The following NCOA2 variants were observed in gnomAD, a reference collection of about 807,000 sequenced individuals.
NCOA2 encodes the protein class E basic helix-loop-helix protein 75.
In NCOA2, 21 loss-of-function variants were observed where a neutral mutation model predicts 145.1. The observed-to-expected ratio is 0.14, with a 90% CI of 0.10 to 0.21. The LOEUF is 0.21. Among genes scored for constraint, NCOA2 ranks in the 10% least tolerant of loss-of-function variants. NCOA2 has a pLI of 1.00. For missense variants in NCOA2, 1,472 were observed against 1,837.6 expected (o/e 0.80, Z 3.64); for synonymous variants, 619 against 637.5 (o/e 0.97, Z 0.44).
At position 70,374,808 on chromosome 8, in the gene NCOA2, A is replaced by G. The variant is rs534858882; in HGVS notation, c.-77+28892T>C. ...GATGCTGTCTCTTTAAAAAAAAAAA[A>G]AAAGAAAGAAAAGTGAAAGCATATA... On this transcript the variant is annotated intron_variant, in intron 1 of 22. Transcript: ENST00000452400. 9.9e-5 allele frequency among the ~76,000 whole-genome samples: 15 copies of G among 152,074 alleles called. 1 individual carries two copies. Among genetic ancestry groups the G allele is most frequent in the South Asian group, 2.1e-4 (1 of 4,824 alleles).
chr8:70,263,602 T>A (rs1824319094), intron 2 of NCOA2, among the ~76,000 whole-genome samples: 1 of 151,698 alleles, frequency 6.6e-6, no homozygotes, highest in Non-Finnish European at 1.5e-5. Flanking sequence ...TATCTGTAAG[T>A]CAATATAAAA....
the NCOA2 span, among the ~76,000 whole-genome samples, chr8:70,414,770 T>C: frequency 1.3e-5 from 2 of 152,160 alleles, no homozygotes; most frequent in Non-Finnish European, 2.9e-5. Context: ...TGCATGAAGA[T>C]TGTTTGTGCT....
At chr8:70,410,605 G>A in the NCOA2 span, among the ~76,000 whole-genome samples, 2 of 152,126 alleles carry the variant, frequency 1.3e-5, no homozygotes, top group Non-Finnish European at 2.9e-5. Flanking sequence ...AAAGTGCTTG[G>A]AACACAAGCA....
intron 21 of NCOA2, among the ~76,000 whole-genome samples, chr8:70,122,591 TC>T (rs1390118707): frequency 6.6e-6 from 1 of 152,200 alleles, no homozygotes; most frequent in African/African-American, 2.4e-5. Flanking sequence ...GCTTAATGTA[TC>T]CAAATAAGCA....
At chr8:70,393,414 A>C (rs916371363) in intron 1 of NCOA2, among the ~76,000 whole-genome samples, 12 of 152,132 alleles carry the variant, frequency 7.9e-5, no homozygotes, top group Non-Finnish European at 1.8e-4. Flanking sequence ...GCAAGTGAGC[A>C]TCTAGGGCCT....
chr8:70,411,573 A>G, the NCOA2 span, among the ~76,000 whole-genome samples: 43 of 152,222 alleles, frequency 2.8e-4, no homozygotes, highest in Admixed American at 2.6e-4. Context: ...GTTCCTTAGT[A>G]TGTATCCTAT....
At chr8:70,129,380 C>A (rs1808822257) in intron 16 of NCOA2, among the ~76,000 whole-genome samples, 1 of 152,130 alleles carries the variant, frequency 6.6e-6, no homozygotes, top group African/African-American at 2.4e-5. Context: ...AATTAGATAA[C>A]CTCTTTGGCA....
At chr8:70,386,055 T>G (rs1307742255) in intron 1 of NCOA2, among the ~76,000 whole-genome samples, 12 of 152,180 alleles carry the variant, frequency 7.9e-5, no homozygotes. Flanking sequence ...GCCAGTAATC[T>G]CCACACTTCT....
Position 70,196,708 on chromosome 8 carries a change from A to G in NCOA2, c.259+17195T>C, listed in dbSNP as rs148146019. ...CTAAAGACACAGCAATAACTATTAC[A>G]AATCTTTATTTTTATTTTGAATGTG... On this transcript the variant is annotated intron_variant, in intron 4 of 22. Transcript: ENST00000452400. 4.1e-4 allele frequency among the ~76,000 whole-genome samples: 62 copies of G among 152,368 alleles called. No homozygotes were observed. The East Asian group carries it at 9.4e-3, about 23-fold the overall frequency.
the NCOA2 span, among the ~76,000 whole-genome samples, chr8:70,444,390 G>A: frequency 1.3e-5 from 2 of 152,184 alleles, no homozygotes; most frequent in South Asian, 2.1e-4. Flanking sequence ...AGGGTAGCAC[G>A]AGGGATCTTT....
intron 4 of NCOA2, among the ~76,000 whole-genome samples, chr8:70,208,373 T>C (rs1586101975): frequency 6.6e-6 from 1 of 152,108 alleles, no homozygotes; most frequent in East Asian, 1.9e-4. Flanking sequence ...CTCCATAATA[T>C]AAAAATATAA....
At chr8:70,423,876 C>T in the NCOA2 span, among the ~76,000 whole-genome samples, 1 of 152,140 alleles carries the variant, frequency 6.6e-6, no homozygotes, top group Non-Finnish European at 1.5e-5. Flanking sequence ...ACAGGGTCCC[C>T]GACACTCTCC....
chr8:70,336,256 T>C (rs954616416), intron 1 of NCOA2, among the ~76,000 whole-genome samples: 16 of 152,214 alleles, frequency 1.1e-4, no homozygotes, highest in African/African-American at 3.4e-4. Context: ...TAAGTACCTT[T>C]ATAATCTTAT....
chr8:70,161,340 T>C (rs1812973795), intron 9 of NCOA2, among the ~76,000 whole-genome samples: 1 of 152,220 alleles, frequency 6.6e-6, no homozygotes, highest in Non-Finnish European at 1.5e-5. Context: ...TTGTTATTAC[T>C]ATTCTTCCTA....
intron 1 of NCOA2, among the ~76,000 whole-genome samples, chr8:70,317,449 G>A (rs1805687414): frequency 6.6e-6 from 1 of 152,114 alleles, no homozygotes; most frequent in Admixed American, 6.5e-5. Flanking sequence ...CCAACACTGT[G>A]GCATTTCCCT....
At chr8:70,239,219 G>A (rs1023526455) in intron 2 of NCOA2, among the ~76,000 whole-genome samples, 5 of 152,142 alleles carry the variant, frequency 3.3e-5, no homozygotes, top group Non-Finnish European at 5.9e-5. Flanking sequence ...TAGGACAGAA[G>A]GGGCCTCAAA....
At chr8:70,438,157 T>C in the NCOA2 span, among the ~76,000 whole-genome samples, 1 of 152,350 alleles carries the variant, frequency 6.6e-6, no homozygotes, top group South Asian at 2.1e-4. Flanking sequence ...TTGCTACATA[T>C]TAATTATCTG....
chr8:70,144,282 A>C (rs551817579), intron 13 of NCOA2, among the ~76,000 whole-genome samples: 1 of 152,262 alleles, frequency 6.6e-6, no homozygotes, highest in African/African-American at 2.4e-5. Context: ...GAAATTCTCC[A>C]AACACAAATA....
At chr8:70,386,911 T>A (rs1812722461) in intron 1 of NCOA2, among the ~76,000 whole-genome samples, 1 of 150,926 alleles carries the variant, frequency 6.6e-6, no homozygotes, top group African/African-American at 2.5e-5. Flanking sequence ...TTTTTAATAT[T>A]TTTAGTTTTT....
Sources: allele counts gnomAD v4.1 joint callset (sites outside exome capture counted in the v4.1 genomes callset), GRCh38; gene constraint gnomAD v4.1.1; transcripts MANE v1.5; gene names NCBI Gene and HGNC (gene_info 2026-07-23, HGNC 2026-07-21).